Variants in GRIN2A observed in about 807,000 individuals in gnomAD.
GRIN2A encodes glutamate receptor ionotropic, NMDA 2A.
In GRIN2A, 22 loss-of-function variants were observed where a neutral mutation model predicts 113.4. The observed-to-expected ratio is 0.19, with a 90% CI of 0.14 to 0.28. GRIN2A has a LOEUF of 0.28. Ranked by LOEUF, GRIN2A falls within the 10% of genes least tolerant of loss-of-function variation. GRIN2A has a pLI of 1.00. For missense variants in GRIN2A, 1,502 were observed against 1,887.0 expected, an observed-to-expected ratio of 0.80 and a Z score of 3.78; for synonymous variants, 827 against 738.4, an observed-to-expected ratio of 1.12 and a Z score of -1.94.
At position 10,068,476 on chromosome 16, in the gene GRIN2A, G is replaced by A. The variant is rs181162296; in HGVS notation, c.414+111522C>T. Among the ~76,000 whole-genome samples the A allele has an allele frequency of 1.8e-3, 275 of 152,276 alleles. 1 individual carries two copies. The highest frequency in any genetic ancestry group is 6.2e-3 in the African/African-American group (259 of 41,556). On this transcript the variant is annotated intron_variant, in intron 2 of 12. Transcript: ENST00000330684. ...AGCAGGAGAGAGTAAGTCTTGGGGGGAAGTGCTATACACTTTTAAATGACC... is the reference window on the plus strand; with the variant it reads ...AGCAGGAGAGAGTAAGTCTTGGGGGAAAGTGCTATACACTTTTAAATGACC...
chr16:9,888,717 T>C (rs1466226924), intron 4 of GRIN2A, among the ~76,000 whole-genome samples: 1 of 151,964 alleles, frequency 6.6e-6, no homozygotes. Context: ...TCTCATGATA[T>C]GCGTATGTGC....
At chr16:10,103,283 A>G (rs1469711240) in intron 2 of GRIN2A, among the ~76,000 whole-genome samples, 2 of 152,178 alleles carry the variant, frequency 1.3e-5, no homozygotes, top group Admixed American at 6.5e-5. Context: ...CTGAATCACC[A>G]TCACTGAAAG....
intron 3 of GRIN2A, among the ~76,000 whole-genome samples, chr16:9,910,778 T>C (rs1037663383): frequency 2.0e-5 from 3 of 152,118 alleles, no homozygotes; most frequent in African/African-American, 7.2e-5. Context: ...CCTCAGACCA[T>C]CTGCCTGCCT....
chr16:9,772,366 G>C (rs1303135970), intron 11 of GRIN2A, among the ~76,000 whole-genome samples: 1 of 152,088 alleles, frequency 6.6e-6, no homozygotes, highest in Non-Finnish European at 1.5e-5. Context: ...CCTCCCTTTG[G>C]AGGTATTTTG....
intron 4 of GRIN2A, among the ~76,000 whole-genome samples, chr16:9,861,199 T>C (rs1045642062): frequency 3.3e-5 from 5 of 152,102 alleles, no homozygotes; most frequent in Admixed American, 1.3e-4. Flanking sequence ...CTTCGGAGTA[T>C]GTTTCACTCC....
chr16:10,051,177 T>G (rs2047352837), intron 2 of GRIN2A, among the ~76,000 whole-genome samples: 1 of 152,190 alleles, frequency 6.6e-6, no homozygotes, highest in Non-Finnish European at 1.5e-5. Flanking sequence ...AACACTCAGT[T>G]CCTGGGATTT....
chr16:9,794,968 A>G (rs1340626625), intron 11 of GRIN2A, among the ~76,000 whole-genome samples: 1 of 152,064 alleles, frequency 6.6e-6, no homozygotes, highest in Non-Finnish European at 1.5e-5. Context: ...GATGGCCATG[A>G]TGATGGTGGT....
intron 5 of GRIN2A, 99 bp downstream of exon 5, chr16:9,849,657 T>C: frequency 2.2e-6 from 2 of 910,092 alleles, no homozygotes; most frequent in Non-Finnish European, 3.7e-6. Context: ...GTATTTTCTA[T>C]GACATTTTGT....
chr16:9,982,536 C>T (rs983300766), intron 2 of GRIN2A, among the ~76,000 whole-genome samples: 1 of 152,236 alleles, frequency 6.6e-6, no homozygotes, highest in Non-Finnish European at 1.5e-5. Flanking sequence ...ACAGTAAACG[C>T]ATGCTTCTTC....
At chr16:10,085,013 A>G (rs1412938318) in intron 2 of GRIN2A, among the ~76,000 whole-genome samples, 1 of 152,208 alleles carries the variant, frequency 6.6e-6, no homozygotes, top group Non-Finnish European at 1.5e-5. Flanking sequence ...AACTCATATA[A>G]TCCCTGCAAC....
chr16:10,136,125 A>C (rs10775270), intron 2 of GRIN2A, among the ~76,000 whole-genome samples: 102,903 of 151,906 alleles, frequency 0.68, 34,907 homozygotes, highest in Admixed American at 0.73. Flanking sequence ...TCCCTTTTAC[A>C]CTCTGCTCCA....
At chr16:9,844,217 C>A (rs957566258) in intron 5 of GRIN2A, among the ~76,000 whole-genome samples, 1 of 152,132 alleles carries the variant, frequency 6.6e-6, no homozygotes, top group Non-Finnish European at 1.5e-5. Context: ...AAACCTCAGC[C>A]AGTTTATGAG....
At chr16:10,027,244 G>A (rs1473301202) in intron 2 of GRIN2A, among the ~76,000 whole-genome samples, 1 of 152,212 alleles carries the variant, frequency 6.6e-6, no homozygotes, top group African/African-American at 2.4e-5. Context: ...TTATAAAGGA[G>A]TTGCCCATAT....
At chr16:9,848,572 T>C (rs901131918) in intron 5 of GRIN2A, among the ~76,000 whole-genome samples, 3 of 149,982 alleles carry the variant, frequency 2.0e-5, no homozygotes, top group South Asian at 4.2e-4. Context: ...GTATAAAATA[T>C]GATGTTTTAC....
At chr16:9,901,056 T>C (rs189719818) in intron 3 of GRIN2A, among the ~76,000 whole-genome samples, 259 of 152,362 alleles carry the variant, frequency 1.7e-3, no homozygotes, top group African/African-American at 6.1e-3. Flanking sequence ...GTGCGATTTT[T>C]ATTTCAGAAT....
At chr16:9,841,700 T>C (rs1182103814) in intron 5 of GRIN2A, among the ~76,000 whole-genome samples, 2 of 152,224 alleles carry the variant, frequency 1.3e-5, no homozygotes, top group African/African-American at 4.8e-5. Context: ...TGAACTTCTC[T>C]TGATAGAGCC....
At chr16:10,162,216 A>G (rs1459034921) in intron 2 of GRIN2A, among the ~76,000 whole-genome samples, 1 of 152,214 alleles carries the variant, frequency 6.6e-6, no homozygotes, top group Non-Finnish European at 1.5e-5. Flanking sequence ...GCAGGAGCCT[A>G]GTGTCCAGAA....
chr16:10,028,627 C>G (rs1011629355), intron 2 of GRIN2A, among the ~76,000 whole-genome samples: 2 of 152,206 alleles, frequency 1.3e-5, no homozygotes, highest in African/African-American at 2.4e-5. Context: ...TGAAGAGAAG[C>G]TGCCTGCTGA....
At chr16:10,131,687 G>T (rs955527455) in intron 2 of GRIN2A, among the ~76,000 whole-genome samples, 18 of 152,224 alleles carry the variant, frequency 1.2e-4, no homozygotes, top group African/African-American at 4.3e-4. Context: ...GCTTTTGAAT[G>T]GGATTAGCCA....
Sources: gnomAD v4.1 joint callset for allele counts (sites outside exome capture counted in the v4.1 genomes callset) on GRCh38, gnomAD v4.1.1 for gene constraint, MANE v1.5 for transcripts, NCBI Gene and HGNC (gene_info 2026-07-23, HGNC 2026-07-21) for gene names.